The following OTOP1 variants were observed in gnomAD, a reference collection of about 807,000 sequenced individuals.
The protein encoded by OTOP1 is proton channel OTOP1.
A neutral mutation model predicts 52.9 loss-of-function variants in OTOP1; 59 were observed. That is an observed-to-expected ratio of 1.12 (90% confidence interval 0.91 to 1.39). The LOEUF is 1.39. Ranked by LOEUF, OTOP1 falls within the 40% of genes most tolerant of loss-of-function variation. The pLI is 0.00. For synonymous variants in OTOP1, 317 were observed against 337.7 expected (o/e 0.94, Z 0.67); for missense variants, 761 against 800.9 (o/e 0.95, Z 0.60).
intron 2 of OTOP1, among the ~76,000 whole-genome samples, chr4:4,209,329 C>T (rs1209711883): frequency 1.3e-5 from 2 of 151,598 alleles, no homozygotes; most frequent in Admixed American, 6.6e-5. Flanking sequence ...TATATATATA[C>T]ACATATATAT....
At chr4:4,203,197 A>C (rs1408046289) in intron 3 of OTOP1, among the ~76,000 whole-genome samples, 1 of 152,212 alleles carries the variant, frequency 6.6e-6, no homozygotes, top group Non-Finnish European at 1.5e-5. Context: ...AGAATAAGAA[A>C]AGTCTGCTAT....
At chr4:4,214,406 A>T (rs1424461527) in intron 1 of OTOP1, among the ~76,000 whole-genome samples, 7 of 152,188 alleles carry the variant, frequency 4.6e-5, no homozygotes, top group African/African-American at 1.4e-4. Context: ...GCCTTCAAAA[A>T]ATTCAAAATA....
chr4:4,202,559 C>T lies in OTOP1; in HGVS notation c.619G>A (p.Val207Met). The part of the protein sequence containing the change: ...TLERFGVIHS[V>M]FTNLLLWANG... ...GCCCACAGAAGCAGGTTGGTGAACA[C>T]CGAGTGGATCACTCCAAACCTGAAA... is the stretch of plus-strand genomic sequence containing the variant. Residue 207 changes from valine (V) to methionine (M), a missense_variant, in exon 4 of 6, where the codon GTG (valine) becomes ATG (methionine). This residue lies in a region of OTOP1 where 632 missense variants were observed against 619.5 expected (regional missense o/e 1.02). Transcript: ENST00000296358. 1 of 1,614,020 alleles carries T rather than the reference C, an allele frequency of 6.2e-7. No homozygotes were observed. Among genetic ancestry groups the T allele is most frequent in the East Asian group, 2.2e-5 (1 of 44,872 alleles).
rs757774792 is a variant in OTOP1, at chr4:4,220,080, CATATATAT to C, written c.403+6374_403+6381del. On this transcript the variant is annotated intron_variant, in intron 1 of 5. Coordinates refer to ENST00000296358, the MANE Select transcript of OTOP1 (RefSeq NM_177998.3). Reference sequence around the variant, plus strand: ...ACGTGTATATACATATATATGTATACATATATATATATATATATATATATATTTTTTTT... The same window carrying C: ...ACGTGTATATACATATATATGTATACATATATATATATATATATTTTTTTT... Among the ~76,000 whole-genome samples, 26 of 38,662 alleles carry C rather than the reference CATATATAT, an allele frequency of 6.7e-4. 2 individuals carry two copies. The highest frequency in any genetic ancestry group is 2.1e-3 in the African/African-American group (23 of 10,814). 25.4% of individuals were successfully genotyped at this position (38,662 alleles called of 152,430 possible). A position where few individuals can be genotyped will look rare whatever the true frequency, so the allele number is the denominator to read the frequency against.
At chr4:4,224,019 AAGG>A (rs1488415293) in intron 1 of OTOP1, among the ~76,000 whole-genome samples, 2 of 151,220 alleles carry the variant, frequency 1.3e-5, no homozygotes, top group Non-Finnish European at 3.0e-5. Context: ...AGGAAAGATG[AAGG>A]AGGAGAAGAG....
chr4:4,198,919 G>A (rs58762468), intron 4 of OTOP1, among the ~76,000 whole-genome samples: 4,560 of 152,256 alleles, frequency 0.03, 233 homozygotes, highest in African/African-American at 0.1. Flanking sequence ...GGCCAGGAGC[G>A]GTGACTCAGC....
intron 5 of OTOP1, among the ~76,000 whole-genome samples, chr4:4,189,429 C>T (rs1426303904): frequency 1.3e-5 from 2 of 152,230 alleles, no homozygotes; most frequent in Non-Finnish European, 2.9e-5. Context: ...GTTCTCTCCC[C>T]CTGTGCCACC....
At chr4:4,209,166 C>T (rs373314830) in intron 2 of OTOP1, among the ~76,000 whole-genome samples, 3 of 152,158 alleles carry the variant, frequency 2.0e-5, no homozygotes, top group East Asian at 1.9e-4. Context: ...ATCTCAGACA[C>T]GTAGGCAGGA....
At position 4,214,925 on chromosome 4, in the gene OTOP1, G is replaced by T. The variant is rs1399699380; in HGVS notation, c.404-1921C>A. 3.3e-5 allele frequency among the ~76,000 whole-genome samples: 5 copies of T among 152,074 alleles called. No homozygotes were observed. In the East Asian group the frequency reaches 9.6e-4, roughly 29 times the overall value. ...CCACTGAGCTGTACACTTAAAAACT[G>T]GTAAGTTGGTAAATTTTATGTATAT... On this transcript the variant is annotated intron_variant, in intron 1 of 5. Coordinates refer to ENST00000296358, the MANE Select transcript of OTOP1 (RefSeq NM_177998.3).
Position 4,188,917 on chromosome 4 carries a change from C to T in OTOP1, c.1725G>A (p.Glu575=), listed in dbSNP as rs749700109. 4 of 1,613,744 alleles carry T rather than the reference C, an allele frequency of 2.5e-6. No individual in the cohort carries two copies. Among genetic ancestry groups the T allele is most frequent in the Non-Finnish European group, 2.5e-6 (3 of 1,179,806 alleles). The part of the protein sequence containing the change: ...CRPEYDNGLE[E]IVFGFEPWII... ...TCCAGGGTTCAAAGCCAAAGACAAT[C>T]TCCTCCAATCCATTGTCATACTCAG... is the stretch of plus-strand genomic sequence containing the variant. The change falls in exon 6 of 6, where the codon GAG becomes GAA. Residue 575 remains glutamate (E), a synonymous_variant. Transcript: ENST00000296358.
In OTOP1 at chr4:4,188,929, A is replaced by G. The variant is rs1716421574; in HGVS notation, c.1713T>C (p.Asn571=). 8 of 1,613,774 alleles carry G rather than the reference A, an allele frequency of 5.0e-6. No individual in the cohort carries two copies. The highest frequency in any genetic ancestry group is 5.1e-6 in the Non-Finnish European group (6 of 1,179,744). The stretch of plus-strand genomic sequence containing the variant: ...AGCCAAAGACAATCTCCTCCAATCC[A>G]TTGTCATACTCAGGTCGACAGCCAA... ...PAFGCRPEYD[N]GLEEIVFGFE... The change falls in exon 6 of 6, where the codon AAT becomes AAC. Residue 571 remains asparagine (N), a synonymous_variant. Transcript: ENST00000296358.
chr4:4,217,075 G>A (rs527890585), intron 1 of OTOP1, among the ~76,000 whole-genome samples: 1 of 152,318 alleles, frequency 6.6e-6, no homozygotes, highest in African/African-American at 2.4e-5. Flanking sequence ...CATCTCTGTG[G>A]TTGACTTGTC....
intron 4 of OTOP1, among the ~76,000 whole-genome samples, chr4:4,199,743 T>G (rs1716738161): frequency 6.6e-6 from 1 of 152,146 alleles, no homozygotes; most frequent in Non-Finnish European, 1.5e-5. Flanking sequence ...GAAAGTAATC[T>G]CGTTTCAAGG....
intron 1 of OTOP1, among the ~76,000 whole-genome samples, chr4:4,223,718 G>A (rs570132997): frequency 1.3e-5 from 2 of 152,022 alleles, no homozygotes; most frequent in African/African-American, 4.8e-5. Context: ...TGGCCAACAT[G>A]GTGAAACACT....
intron 1 of OTOP1, among the ~76,000 whole-genome samples, chr4:4,218,369 G>A (rs1307009174): frequency 6.9e-6 from 1 of 145,668 alleles, no homozygotes; most frequent in Non-Finnish European, 1.5e-5. Context: ...TCCAGCATGG[G>A]TGACAGAGCG....
At chr4:4,210,062 G>A (rs368971415) in intron 2 of OTOP1, among the ~76,000 whole-genome samples, 1 of 152,186 alleles carries the variant, frequency 6.6e-6, no homozygotes, top group East Asian at 1.9e-4. Flanking sequence ...AAAGCACTGA[G>A]CCCAGCGTTG....
At chr4:4,223,635 C>A (rs1717354373) in intron 1 of OTOP1, among the ~76,000 whole-genome samples, 1 of 152,136 alleles carries the variant, frequency 6.6e-6, no homozygotes, top group Non-Finnish European at 1.5e-5. Flanking sequence ...CGTGGTGGCC[C>A]ATGCCTGTAA....
Position 4,198,147 on chromosome 4 carries a change from GCAAGGGGGAA to G in OTOP1, c.731-54_731-45del. 3.3e-6 allele frequency: 5 copies of G among 1,517,332 alleles called. No homozygotes were observed. In the East Asian group the frequency reaches 1.1e-4, roughly 34 times the overall value. 94.0% of individuals were successfully genotyped at this position (1,517,332 alleles called of 1,614,324 possible). ...TCACACAGGAGGGCGATTAGCAGGT[GCAAGGGGGAA>G]CAGAAAAGCACAGAAAACTGTTTCC... On this transcript the variant is annotated intron_variant, in intron 4 of 5. Coordinates refer to ENST00000296358, the MANE Select transcript of OTOP1 (RefSeq NM_177998.3).
Position 4,226,891 on chromosome 4 carries a change from T to A in OTOP1, c.-27A>T, listed in dbSNP as rs13125406. On this transcript the variant is annotated 5_prime_UTR_variant, in exon 1 of 6. Transcript: ENST00000296358. ...TTCGAGACACCCGCGCCAAGTCTGGTCCCGGGGGTGGCTGCCGTCGGGCCC... is the reference window on the plus strand; with the variant it reads ...TTCGAGACACCCGCGCCAAGTCTGGACCCGGGGGTGGCTGCCGTCGGGCCC... 3 of 1,299,900 alleles carry A rather than the reference T, an allele frequency of 2.3e-6. 1 individual carries two copies. The highest frequency in any genetic ancestry group is 4.6e-5 in the South Asian group (2 of 43,286). 80.5% of individuals were successfully genotyped at this position (1,299,900 alleles called of 1,614,324 possible).
Sources: allele counts gnomAD v4.1 joint callset (sites outside exome capture counted in the v4.1 genomes callset), GRCh38; gene constraint gnomAD v4.1.1; regional missense constraint gnomAD v4.1.1; transcripts MANE v1.5; gene names NCBI Gene and HGNC (gene_info 2026-07-23, HGNC 2026-07-21).